Variants in PSD2 observed in about 807,000 individuals in gnomAD.
PSD2 encodes pleckstrin and Sec7 domain containing 2, also known as PH and SEC7 domain-containing protein 2.
Under a neutral mutation model 69.8 loss-of-function variants are expected in PSD2, and 38 were observed. That is an observed-to-expected ratio of 0.54 (90% CI 0.42 to 0.71). PSD2 has a LOEUF of 0.71. Ranked by LOEUF, PSD2 falls within the 30% of genes least tolerant of loss-of-function variation. The pLI, the probability that PSD2 is intolerant of heterozygous loss-of-function variation, is 0.00. For missense variants in PSD2, 943 were observed against 1,014.5 expected (o/e 0.93, Z 0.96); for synonymous variants, 412 against 423.0 (o/e 0.97, Z 0.32).
At chr5:139,777,030 T>A in the PSD2 span, among the ~76,000 whole-genome samples, 1 of 152,240 alleles carries the variant, frequency 6.6e-6, no homozygotes, top group East Asian at 1.9e-4. Flanking sequence ...TAGCTCACTC[T>A]GTGGAGCACA....
chr5:139,818,162 G>C (rs936688988), intron 5 of PSD2, among the ~76,000 whole-genome samples: 1 of 152,196 alleles, frequency 6.6e-6, no homozygotes, highest in South Asian at 2.1e-4. Context: ...TCCTAGGAGA[G>C]ATGGATGCAT....
the PSD2 span, among the ~76,000 whole-genome samples, chr5:139,769,087 TGTGACCCAGCCTG>T: frequency 6.6e-6 from 1 of 152,042 alleles, no homozygotes; most frequent in Non-Finnish European, 1.5e-5. Context: ...GCACAGGGCC[TGTGACCCAGCCTG>T]GTGGGTTGGG....
At chr5:139,789,769 G>A in the PSD2 span, among the ~76,000 whole-genome samples, 2 of 152,110 alleles carry the variant, frequency 1.3e-5, no homozygotes, top group Admixed American at 6.5e-5. Flanking sequence ...TGGCAGCGGT[G>A]GTGGGGACAC....
the PSD2 span, among the ~76,000 whole-genome samples, chr5:139,747,306 T>C: frequency 6.6e-6 from 1 of 151,974 alleles, no homozygotes; most frequent in Admixed American, 6.5e-5. This position sits in a 1 kb window ranked among gnomAD's most constrained non-coding sequence, Gnocchi z 6.7. Context: ...CGACATCCCC[T>C]GGGCTGGCAG....
the PSD2 span, among the ~76,000 whole-genome samples, chr5:139,749,736 C>T: frequency 3.9e-5 from 6 of 152,176 alleles, no homozygotes; most frequent in African/African-American, 1.2e-4. Flanking sequence ...TGGCTCATGC[C>T]TGTAATCCTA....
intron 14 of PSD2, among the ~76,000 whole-genome samples, 171 bp downstream of exon 14, chr5:139,840,341 C>T (rs1049304197): frequency 7.9e-5 from 12 of 152,148 alleles, no homozygotes; most frequent in Admixed American, 4.6e-4. Flanking sequence ...TTCCAGAGTG[C>T]CAGCCTTCCC....
At chr5:139,759,565 A>T in the PSD2 span, among the ~76,000 whole-genome samples, 1 of 152,118 alleles carries the variant, frequency 6.6e-6, no homozygotes, top group Non-Finnish European at 1.5e-5. Flanking sequence ...TTACGGAAAG[A>T]AGTTTCCCCA....
chr5:139,753,070 T>G, the PSD2 span, among the ~76,000 whole-genome samples: 1 of 152,206 alleles, frequency 6.6e-6, no homozygotes, highest in Admixed American at 6.5e-5. Flanking sequence ...CAAGAAGTTA[T>G]GACTCAACCC....
the PSD2 span, among the ~76,000 whole-genome samples, chr5:139,759,258 G>A: frequency 2.0e-5 from 3 of 152,078 alleles, no homozygotes; most frequent in African/African-American, 4.8e-5. Context: ...GCCTCTGGAC[G>A]CTGAAAAATC....
the PSD2 span, among the ~76,000 whole-genome samples, chr5:139,771,200 A>G: frequency 0.061 from 9,308 of 152,208 alleles, 377 homozygotes; most frequent in Non-Finnish European, 0.09. Flanking sequence ...GCTGGGTCCC[A>G]TGTTGTGACT....
At chr5:139,748,783 CTGAT>C in the PSD2 span, among the ~76,000 whole-genome samples, 1 of 152,258 alleles carries the variant, frequency 6.6e-6, no homozygotes, top group Non-Finnish European at 1.5e-5. Context: ...TCGAGCGGCT[CTGAT>C]TGCCGAGTAA....
the PSD2 span, among the ~76,000 whole-genome samples, chr5:139,751,567 C>T: frequency 6.6e-6 from 1 of 152,190 alleles, no homozygotes; most frequent in Non-Finnish European, 1.5e-5. Flanking sequence ...CAGACCCTGG[C>T]TCTACTTTAC....
the PSD2 span, chr5:139,772,387 G>A: frequency 6.6e-6 from 1 of 152,238 alleles, no homozygotes; most frequent in African/African-American, 2.4e-5. Context: ...GCAGAGCTGG[G>A]CACTTAGAGG....
chr5:139,761,554 G>A, the PSD2 span, among the ~76,000 whole-genome samples: 5 of 152,136 alleles, frequency 3.3e-5, no homozygotes, highest in Non-Finnish European at 4.4e-5. Context: ...TCTTCTTTCC[G>A]TCCTTTCTGC....
intron 1 of PSD2, among the ~76,000 whole-genome samples, chr5:139,806,500 C>T (rs1257523073): frequency 6.6e-6 from 1 of 152,246 alleles, no homozygotes; most frequent in Non-Finnish European, 1.5e-5. Flanking sequence ...CAGCCTTCCT[C>T]ATTTGTCAAA....
In PSD2 at chr5:139,813,665, T is replaced by C. The variant is rs1237187723; in HGVS notation, c.728T>C (p.Met243Thr). The C allele has an allele frequency of 6.2e-7, 1 of 1,613,898 alleles. No individual in the cohort carries two copies. The highest frequency in any genetic ancestry group is 1.7e-5 in the Admixed American group (1 of 59,998). ...NVLSRLSLMAMPNGFHEDGPQ... is the reference protein window; with the variant it reads ...NVLSRLSLMATPNGFHEDGPQ... Reference sequence around the variant, plus strand: ...CTGAGCCGCCTGTCTCTCATGGCCATGCCCAATGGATTCCATGAAGATGGC... The same window carrying C: ...CTGAGCCGCCTGTCTCTCATGGCCACGCCCAATGGATTCCATGAAGATGGC... The change falls in exon 3 of 15, where the codon ATG becomes ACG. Residue 243 changes from methionine to threonine, a missense_variant. This residue lies in a region of PSD2 where 466 missense variants were observed against 445.0 expected (regional missense o/e 1.05). Transcript: ENST00000274710.
chr5:139,750,845 G>T, the PSD2 span, among the ~76,000 whole-genome samples: 3 of 152,210 alleles, frequency 2.0e-5, no homozygotes, highest in Non-Finnish European at 2.9e-5. Flanking sequence ...CTGGATCTGA[G>T]GCCTGGGGCA....
At chr5:139,760,444 C>G in the PSD2 span, among the ~76,000 whole-genome samples, 1 of 152,144 alleles carries the variant, frequency 6.6e-6, no homozygotes, top group Non-Finnish European at 1.5e-5. Context: ...CCTGTTCTGT[C>G]AGGGTCCAGC....
chr5:139,789,555 G>C, the PSD2 span, among the ~76,000 whole-genome samples: 1 of 152,142 alleles, frequency 6.6e-6, no homozygotes, highest in Non-Finnish European at 1.5e-5. Context: ...TCCAGCCTGG[G>C]TATTCCTGTC....
Sources: gnomAD v4.1 joint callset for allele counts (sites outside exome capture counted in the v4.1 genomes callset) on GRCh38, gnomAD v4.1.1 for gene constraint, gnomAD v4.1.1 regional missense constraint, Gnocchi (gnomAD v3.1) non-coding constraint, MANE v1.5 for transcripts, NCBI Gene and HGNC (gene_info 2026-07-23, HGNC 2026-07-21) for gene names.